PHKA1: variants seen among roughly 807,000 people sequenced by gnomAD.
PHKA1 encodes the protein phosphorylase kinase regulatory subunit alpha 1, also known as phosphorylase b kinase regulatory subunit alpha, skeletal muscle isoform.
In PHKA1, 60 loss-of-function variants were observed where a neutral mutation model predicts 110.2. The ratio of observed to expected loss-of-function variants is 0.54; its 90% CI spans 0.44 to 0.68. The LOEUF (loss-of-function observed/expected upper bound fraction) is 0.68. Ranked by LOEUF, PHKA1 falls within the 30% of genes least tolerant of loss-of-function variation. The pLI is 0.00. For synonymous variants in PHKA1, 316 were observed against 333.6 expected (o/e 0.95, Z 0.58); for missense variants, 801 against 942.5 (o/e 0.85, Z 1.97).
At chrX:72,675,483 T>C (rs1292871104) in intron 6 of PHKA1, among the ~76,000 whole-genome samples, 1 of 111,574 alleles carries the variant, frequency 9.0e-6, no homozygotes, top group Non-Finnish European at 1.9e-5. Context: ...AAAATCAATC[T>C]ATATCTTTGC....
chrX:72,695,649 T>G lies in PHKA1; in HGVS notation c.454+59A>C, dbSNP rs1173800225. 11 of 1,119,429 alleles carry G rather than the reference T, an allele frequency of 9.8e-6. No individual in the cohort carries two copies. The Admixed American group carries it at 2.4e-4, about 25-fold the overall frequency. The allele number at this position is 1,119,429 out of a possible 1,213,427, so 92.3% of individuals were successfully genotyped here. A position where few individuals can be genotyped will look rare whatever the true frequency, so the allele number is the denominator to read the frequency against. On this transcript the variant is annotated intron_variant, in intron 4 of 31. Coordinates refer to ENST00000373542, the MANE Select transcript of PHKA1 (RefSeq NM_002637.4). Reference sequence around the variant, plus strand: ...CCCGGTTCTCAATTTAAAAGAATATTAATTAGTACCCCAGACTCCATGCTC... The same window carrying G: ...CCCGGTTCTCAATTTAAAAGAATATGAATTAGTACCCCAGACTCCATGCTC...
rs375661884 is a variant in PHKA1, at chrX:72,581,053, G to A, written c.3621C>T (p.Ala1207=). The change falls in exon 32 of 32, where the codon GCC becomes GCT. Residue 1207 remains alanine, a synonymous_variant. Transcript: ENST00000373542. ...FGTMTYLSKA[A]ATYVQEFLPH... ...GCAGGAACTCCTGCACGTAGGTGGC[G>A]GCTGCCTTGGAGAGGTAGGTCATGG... The A allele has an allele frequency of 6.3e-5, 76 of 1,209,067 alleles. No homozygotes were observed. The highest frequency in any genetic ancestry group is 7.8e-5 in the Non-Finnish European group (70 of 894,495).
chrX:72,631,302 C>G (rs140727680), intron 16 of PHKA1, among the ~76,000 whole-genome samples: 3,089 of 111,657 alleles, frequency 0.028, 103 homozygotes, highest in African/African-American at 0.095. Flanking sequence ...TTGTTGATAT[C>G]TGTTGATCAC....
chrX:72,651,480 G>T (rs2053428953), intron 12 of PHKA1, among the ~76,000 whole-genome samples: 1 of 111,219 alleles, frequency 9.0e-6, no homozygotes, highest in African/African-American at 3.3e-5. Context: ...AGGTTGTGGT[G>T]AGCCGAGATC....
At chrX:72,618,163 C>A (rs2147703835) in intron 21 of PHKA1, among the ~76,000 whole-genome samples, 1 of 111,647 alleles carries the variant, frequency 9.0e-6, no homozygotes. Context: ...GAAGAAAGTC[C>A]ATCCTGCCTC....
At chrX:72,596,873 T>C (rs1556234755) in intron 28 of PHKA1, among the ~76,000 whole-genome samples, 1 of 111,929 alleles carries the variant, frequency 8.9e-6, no homozygotes, top group African/African-American at 3.2e-5. Context: ...CTATCAAAAC[T>C]ACAAAACTAT....
chrX:72,588,249 C>A (rs2052463535), intron 29 of PHKA1, among the ~76,000 whole-genome samples: 1 of 112,327 alleles, frequency 8.9e-6, no homozygotes, highest in Non-Finnish European at 1.9e-5. Flanking sequence ...ACAGTGCAAT[C>A]AAATTAGAAC....
chrX:72,681,543 TG>T (rs1185425993), intron 5 of PHKA1, among the ~76,000 whole-genome samples: 3 of 64,243 alleles, frequency 4.7e-5, no homozygotes, highest in Non-Finnish European at 6.1e-5. Context: ...GGGAGGGAGG[TG>T]GGGGGGTCAG....
chrX:72,662,405 A>G (rs1372132230), intron 8 of PHKA1, among the ~76,000 whole-genome samples: 1 of 111,799 alleles, frequency 8.9e-6, no homozygotes, highest in Non-Finnish European at 1.9e-5. Flanking sequence ...GGCCCCAGGA[A>G]TGGCCATGAC....
rs782317887 is a variant in PHKA1 at position 72,582,393 on chromosome X, C to T, written c.3498+5G>A. ...CTCTATTGAGAAAACAACAGGTTTG[C>T]CTACCTGTTCTTGAAGGAACAAGTC... On this transcript the variant is annotated splice_donor_5th_base_variant and intron_variant, in intron 31 of 31. Transcript: ENST00000373542. The T allele has an allele frequency of 8.6e-7, 1 of 1,165,587 alleles. No individual in the cohort carries two copies. The highest frequency in any genetic ancestry group is 1.8e-5 in the South Asian group (1 of 55,909).
intron 16 of PHKA1, among the ~76,000 whole-genome samples, chrX:72,629,741 T>C (rs1164356017): frequency 9.0e-6 from 1 of 111,644 alleles, no homozygotes. Context: ...TGGGTTACTT[T>C]TACATTTTTT....
chrX:72,594,527 A>T (rs1392104954), intron 28 of PHKA1, among the ~76,000 whole-genome samples: 1 of 112,730 alleles, frequency 8.9e-6, no homozygotes, highest in East Asian at 2.8e-4. Context: ...AATCTCAATG[A>T]AACAGACAAA....
At chrX:72,591,147 G>C (rs1455628013) in intron 29 of PHKA1, among the ~76,000 whole-genome samples, 8 of 111,997 alleles carry the variant, frequency 7.1e-5, no homozygotes, top group African/African-American at 2.6e-4. Flanking sequence ...CAATAGCAAA[G>C]ACTTGGGACC....
intron 29 of PHKA1, among the ~76,000 whole-genome samples, chrX:72,586,934 A>G (rs781859468): frequency 5.8e-4 from 65 of 111,367 alleles, no homozygotes; most frequent in African/African-American, 2.0e-3. Flanking sequence ...GGACTATGTG[A>G]AAAGACCAAA....
Position 72,584,237 on chromosome X carries a change from A to G in PHKA1, c.3297+12T>C, listed in dbSNP as rs782277749. The G allele has an allele frequency of 1.1e-5, 13 of 1,185,030 alleles. No individual in the cohort carries two copies. In the African/African-American group the frequency reaches 2.1e-4, roughly 19 times the overall value. On this transcript the variant is annotated intron_variant, in intron 30 of 31. Transcript: ENST00000373542. ...TATCAGTCACATAAATGTGCAAGAA[A>G]GAGACTCTTACCTCTCTAGTGGTAG... is the stretch of plus-strand genomic sequence containing the variant.
At chrX:72,706,330 C>T (rs1051765488) in intron 2 of PHKA1, among the ~76,000 whole-genome samples, 1 of 111,721 alleles carries the variant, frequency 9.0e-6, no homozygotes, top group Non-Finnish European at 1.9e-5. Flanking sequence ...AGTGCATGAT[C>T]TTGTCACATT....
At chrX:72,641,469 T>C (rs1358770838) in intron 14 of PHKA1, among the ~76,000 whole-genome samples, 1 of 111,769 alleles carries the variant, frequency 8.9e-6, no homozygotes, top group Non-Finnish European at 1.9e-5. Context: ...AGAACACAAG[T>C]GAATATAGGC....
At position 72,580,814 on chromosome X, in the gene PHKA1, G is replaced by A; in HGVS notation, c.*188C>T. ...GATTGTCACTGGTTCTGCAAGGTGA[G>A]CCTCCAGGTAAGTGTTCACTTCTTC... On this transcript the variant is annotated 3_prime_UTR_variant, in exon 32 of 32. Coordinates refer to ENST00000373542, the MANE Select transcript of PHKA1 (RefSeq NM_002637.4). 1 of 467,608 alleles carries A rather than the reference G, an allele frequency of 2.1e-6. No homozygotes were observed. Among genetic ancestry groups the A allele is most frequent in the Non-Finnish European group, 3.8e-6 (1 of 263,601 alleles). 38.5% of individuals were successfully genotyped at this position (467,608 alleles called of 1,213,427 possible).
intron 4 of PHKA1, among the ~76,000 whole-genome samples, chrX:72,688,327 C>T (rs1379624739): frequency 4.5e-5 from 5 of 112,083 alleles, no homozygotes; most frequent in Non-Finnish European, 9.4e-5. Context: ...CGTAATGACA[C>T]TAACTTCTTG....
Sources: gnomAD v4.1 joint callset for allele counts (sites outside exome capture counted in the v4.1 genomes callset) on GRCh38, gnomAD v4.1.1 for gene constraint, MANE v1.5 for transcripts, NCBI Gene and HGNC (gene_info 2026-07-23, HGNC 2026-07-21) for gene names.